Variants in SMAP1 observed in about 807,000 individuals in gnomAD.
SMAP1 encodes the protein stromal membrane-associated protein 1.
A neutral mutation model predicts 58.5 loss-of-function variants in SMAP1; 24 were observed. That is an observed-to-expected ratio of 0.41 (90% CI 0.30 to 0.58). The LOEUF is 0.58. SMAP1 is among the 20% of genes least tolerant of loss of function. The pLI is 0.29. For missense variants in SMAP1, 563 were observed against 566.3 expected (o/e 0.99, Z 0.06); for synonymous variants, 216 against 196.6 (o/e 1.10, Z -0.82).
chr6:70,690,686 T>C (rs1436805390), intron 1 of SMAP1, among the ~76,000 whole-genome samples: 1 of 122,368 alleles, frequency 8.2e-6, no homozygotes, highest in African/African-American at 2.9e-5. Context: ...TTGATGTATC[T>C]TTTATATATA....
At chr6:70,761,547 C>G (rs1766745294) in intron 3 of SMAP1, among the ~76,000 whole-genome samples, 1 of 151,966 alleles carries the variant, frequency 6.6e-6, no homozygotes. Flanking sequence ...GTTGTCGTTT[C>G]TCATTTACTC....
intron 7 of SMAP1, among the ~76,000 whole-genome samples, chr6:70,842,286 C>T (rs1030101705): frequency 5.9e-5 from 9 of 152,188 alleles, no homozygotes; most frequent in African/African-American, 2.2e-4. Context: ...TATTATTACC[C>T]TTTCAAAAAG....
intron 8 of SMAP1, among the ~76,000 whole-genome samples, chr6:70,854,855 G>A (rs191212365): frequency 2.5e-4 from 38 of 152,046 alleles, no homozygotes; most frequent in African/African-American, 8.9e-4. Context: ...ACAAATTCTA[G>A]TACAATATTT....
intron 1 of SMAP1, among the ~76,000 whole-genome samples, chr6:70,669,322 A>T (rs1766167986): frequency 6.6e-6 from 1 of 152,196 alleles, no homozygotes; most frequent in African/African-American, 2.4e-5. Context: ...AATGAGTCAC[A>T]TTTCAGTAGG....
chr6:70,798,573 T>C, intron 5 of SMAP1, 84 bp from the exon 6 acceptor site: 1 of 996,886 alleles, frequency 1.0e-6, no homozygotes, highest in Non-Finnish European at 1.5e-6. Context: ...CTTTTTCAGA[T>C]GATTACTCAA....
At chr6:70,757,239 G>A (rs1314423708) in intron 3 of SMAP1, among the ~76,000 whole-genome samples, 2 of 148,916 alleles carry the variant, frequency 1.3e-5, no homozygotes, top group African/African-American at 4.9e-5. Flanking sequence ...TCTGATCTTT[G>A]ACAAACCTGA....
At chr6:70,770,294 C>T (rs187372667) in intron 3 of SMAP1, among the ~76,000 whole-genome samples, 43 of 152,172 alleles carry the variant, frequency 2.8e-4, no homozygotes, top group African/African-American at 9.9e-4. Context: ...GAATGTTGGC[C>T]TTCCTTGCTA....
Position 70,861,990 on chromosome 6 carries a change from A to AT in SMAP1, c.*1657dup. On this transcript the variant is annotated 3_prime_UTR_variant, in exon 11 of 11. Transcript: ENST00000370455. ...ACTTACAGCAAATCCTTTGTGAAAA[A>AT]TAAAAAAAAAAAAGAGACTTTAAAA... The AT allele has an allele frequency of 6.4e-6, 10 of 1,568,490 alleles. No individual in the cohort carries two copies. The highest frequency in any genetic ancestry group is 8.6e-6 in the Non-Finnish European group (10 of 1,162,390).
intron 1 of SMAP1, among the ~76,000 whole-genome samples, chr6:70,685,823 G>A (rs1423459290): frequency 3.3e-5 from 5 of 152,160 alleles, no homozygotes; most frequent in South Asian, 2.1e-4. Context: ...AAGTAGAATC[G>A]TCCCATTCTT....
intron 6 of SMAP1, among the ~76,000 whole-genome samples, chr6:70,811,019 C>A (rs1296367201): frequency 6.6e-6 from 1 of 152,138 alleles, no homozygotes; most frequent in Non-Finnish European, 1.5e-5. Context: ...TAACTTCTTA[C>A]AATCAATTTT....
chr6:70,712,121 C>G (rs1038521698), intron 1 of SMAP1, among the ~76,000 whole-genome samples: 3 of 152,048 alleles, frequency 2.0e-5, no homozygotes, highest in Admixed American at 2.0e-4. Flanking sequence ...CTTATTCTGT[C>G]GAAAGTTTTT....
intron 6 of SMAP1, among the ~76,000 whole-genome samples, chr6:70,806,074 G>A (rs1769115533): frequency 6.6e-6 from 1 of 152,234 alleles, no homozygotes; most frequent in South Asian, 2.1e-4. Context: ...GTCTGCAGAA[G>A]TTTCTGCTGC....
At chr6:70,827,619 A>AT (rs567533218) in intron 6 of SMAP1, among the ~76,000 whole-genome samples, 1 of 152,264 alleles carries the variant, frequency 6.6e-6, no homozygotes, top group Admixed American at 6.5e-5. Flanking sequence ...CAGTGATTCC[A>AT]TAACACTGGA....
chr6:70,745,016 G>T lies in SMAP1; in HGVS notation c.253-9964G>T, dbSNP rs555579931. Among the ~76,000 whole-genome samples, 229 of 152,196 alleles carry T rather than the reference G, an allele frequency of 1.5e-3. 1 individual carries two copies. The highest frequency in any genetic ancestry group is 5.3e-3 in the African/African-American group (220 of 41,526). ...ATATCCTTTGTCCACTTTTTGATGG[G>T]GTTGTTTGTTTTTTCCTTGTAAATT... is the stretch of plus-strand genomic sequence containing the variant. On this transcript the variant is annotated intron_variant, in intron 2 of 10. Transcript: ENST00000370455.
chr6:70,743,384 C>T (rs1562128134), intron 2 of SMAP1, among the ~76,000 whole-genome samples: 1 of 152,070 alleles, frequency 6.6e-6, no homozygotes, highest in Non-Finnish European at 1.5e-5. Flanking sequence ...TGGGGAGATT[C>T]TGGGAACTTA....
intron 4 of SMAP1, among the ~76,000 whole-genome samples, chr6:70,789,585 C>CT (rs1768249261): frequency 7.1e-6 from 1 of 139,908 alleles, no homozygotes; most frequent in Non-Finnish European, 1.6e-5. Context: ...ATTTATTTTT[C>CT]TTTTTTCTTT....
intron 7 of SMAP1, 91 bp downstream of exon 7, chr6:70,837,119 GC>G: frequency 1.2e-6 from 1 of 866,124 alleles, no homozygotes; most frequent in Non-Finnish European, 1.7e-6. Context: ...TCTTGAGTAT[GC>G]CAAAACGTAC....
At chr6:70,701,677 C>T (rs151254603) in intron 1 of SMAP1, among the ~76,000 whole-genome samples, 5 of 152,266 alleles carry the variant, frequency 3.3e-5, no homozygotes, top group Admixed American at 6.5e-5. Context: ...ACAATCACTG[C>T]GTTCTCCCTT....
At chr6:70,733,196 A>G (rs535994104) in intron 2 of SMAP1, among the ~76,000 whole-genome samples, 4 of 152,312 alleles carry the variant, frequency 2.6e-5, no homozygotes, top group East Asian at 1.9e-4. Context: ...TTAAGTCACT[A>G]TGAAGTGCTA....
Sources: gnomAD v4.1 joint callset for allele counts (sites outside exome capture counted in the v4.1 genomes callset) on GRCh38, gnomAD v4.1.1 for gene constraint, MANE v1.5 for transcripts, NCBI Gene and HGNC (gene_info 2026-07-23, HGNC 2026-07-21) for gene names.